DCLK2: variants seen among roughly 807,000 people sequenced by gnomAD.
DCLK2 encodes the protein serine/threonine-protein kinase DCLK2.
A neutral mutation model predicts 78.4 loss-of-function variants in DCLK2; 31 were observed. The ratio of observed to expected loss-of-function variants is 0.40; its 90% CI spans 0.30 to 0.53. DCLK2 has a LOEUF of 0.53. Among genes scored for constraint, DCLK2 ranks in the 20% least tolerant of loss-of-function variants. The pLI, the probability that DCLK2 is intolerant of heterozygous loss-of-function variation, is 0.61. For missense variants in DCLK2, 872 were observed against 973.7 expected (o/e 0.90, Z 1.39); for synonymous variants, 407 against 374.9 (o/e 1.09, Z -0.99).
intron 2 of DCLK2, among the ~76,000 whole-genome samples, chr4:150,190,501 A>T (rs1738374052): frequency 6.6e-6 from 1 of 152,212 alleles, no homozygotes; most frequent in Non-Finnish European, 1.5e-5. Context: ...ATGTTACAAC[A>T]TGGATGAACC....
Position 150,232,367 on chromosome 4 carries a change from C to T in DCLK2, c.1330C>T (p.Leu444=). 6.2e-7 allele frequency: 1 copy of T among 1,614,116 alleles called. No individual in the cohort carries two copies. Among genetic ancestry groups the T allele is most frequent in the Non-Finnish European group, 8.5e-7 (1 of 1,179,986 alleles). The change falls in exon 9 of 16, where the codon CTG becomes TTG. Residue 444 remains leucine, a synonymous_variant. Transcript: ENST00000296550. Reference sequence around the variant, plus strand: ...CCTGATTGAGAATGAAGTGTCAATACTGCGCCGAGTGAAACATCCCAATAT... The same window carrying T: ...CCTGATTGAGAATGAAGTGTCAATATTGCGCCGAGTGAAACATCCCAATAT... The part of the protein sequence containing the change: ...EHLIENEVSI[L]RRVKHPNIIM...
intron 2 of DCLK2, among the ~76,000 whole-genome samples, chr4:150,125,001 T>G (rs564100457): frequency 6.6e-6 from 1 of 152,332 alleles, no homozygotes; most frequent in Non-Finnish European, 1.5e-5. Flanking sequence ...ACAATTCCAT[T>G]ATGAGACAAG....
chr4:150,173,955 G>A (rs753985240), intron 2 of DCLK2, among the ~76,000 whole-genome samples: 7 of 152,114 alleles, frequency 4.6e-5, no homozygotes, highest in Admixed American at 3.9e-4. Flanking sequence ...CTATGAAGTC[G>A]AAGGGGTTAT....
At chr4:150,081,146 T>C (rs1437594276) in intron 1 of DCLK2, among the ~76,000 whole-genome samples, 2 of 152,262 alleles carry the variant, frequency 1.3e-5, no homozygotes, top group African/African-American at 4.8e-5. Flanking sequence ...ATTGGGATAC[T>C]ACTGTTCCTG....
At chr4:150,153,408 C>A (rs1376468712) in intron 2 of DCLK2, among the ~76,000 whole-genome samples, 1 of 151,814 alleles carries the variant, frequency 6.6e-6, no homozygotes, top group African/African-American at 2.4e-5. Context: ...CTCTACTTGA[C>A]AAACTTTTTT....
chr4:150,126,169 AG>A (rs1732905797), intron 2 of DCLK2, among the ~76,000 whole-genome samples: 1 of 151,696 alleles, frequency 6.6e-6, no homozygotes, highest in Non-Finnish European at 1.5e-5. Context: ...CCATTCTTAC[AG>A]TGTTTGTGAG....
intron 15 of DCLK2, chr4:150,253,388 C>T: frequency 7.9e-7 from 1 of 1,272,406 alleles, no homozygotes; most frequent in Non-Finnish European, 1.0e-6. Flanking sequence ...CCTGAGACTT[C>T]AGTGAGAAAA....
intron 4 of DCLK2, among the ~76,000 whole-genome samples, chr4:150,200,198 T>C (rs1739354019): frequency 6.6e-6 from 1 of 152,160 alleles, no homozygotes; most frequent in African/African-American, 2.4e-5. Flanking sequence ...TATACATAAC[T>C]CTTGAATTTA....
At position 150,149,026 on chromosome 4, in the gene DCLK2, A is replaced by G. The variant is rs1407833461; in HGVS notation, c.757-44112A>G. Among the ~76,000 whole-genome samples the G allele has an allele frequency of 2.2e-4, 27 of 121,218 alleles. No homozygotes were observed. In the Admixed American group the frequency reaches 2.4e-3, roughly 11 times the overall value. 79.5% of individuals were successfully genotyped at this position (121,218 alleles called of 152,430 possible). On this transcript the variant is annotated intron_variant, in intron 2 of 15. Transcript: ENST00000296550. ...GCACTCCAGCCTGGGCGAAAGAGTGACAGACTGTCTCAAAAAAAAAAAAAA... is the reference window on the plus strand; with the variant it reads ...GCACTCCAGCCTGGGCGAAAGAGTGGCAGACTGTCTCAAAAAAAAAAAAAA...
intron 7 of DCLK2, among the ~76,000 whole-genome samples, chr4:150,223,872 G>A (rs1007444106): frequency 3.9e-5 from 6 of 152,114 alleles, no homozygotes; most frequent in African/African-American, 1.4e-4. Flanking sequence ...GATCCTAGCT[G>A]AAGTTTTGGC....
chr4:150,096,014 G>A (rs529268354), intron 1 of DCLK2, among the ~76,000 whole-genome samples: 1 of 152,158 alleles, frequency 6.6e-6, no homozygotes, highest in Non-Finnish European at 1.5e-5. Flanking sequence ...TGTTCTAAGG[G>A]CAGTAGAGAG....
At chr4:150,239,900 A>G (rs750061535) in intron 11 of DCLK2, 25 bp downstream of exon 11, 3 of 1,525,532 alleles carry the variant, frequency 2.0e-6, no homozygotes, top group Non-Finnish European at 2.6e-6. Context: ...GGCCCTGGTT[A>G]GTACTTTAAC....
At chr4:150,251,647 G>A (rs553504935) in intron 15 of DCLK2, among the ~76,000 whole-genome samples, 12 of 3,078 alleles carry the variant, frequency 3.9e-3, no homozygotes, top group East Asian at 0.011. Context: ...CACACCCCCC[G>A]CCCCCACGAG....
chr4:150,221,911 C>G, intron 7 of DCLK2, 126 bp downstream of exon 7: 1 of 559,462 alleles, frequency 1.8e-6, no homozygotes, highest in Non-Finnish European at 3.0e-6. Flanking sequence ...TGGAAAGTCT[C>G]TTTCATTTTC....
At chr4:150,206,773 C>G (rs927226558) in intron 5 of DCLK2, among the ~76,000 whole-genome samples, 13 of 152,332 alleles carry the variant, frequency 8.5e-5, no homozygotes, top group African/African-American at 2.6e-4. Flanking sequence ...TCCCAAAGCT[C>G]TCTAACTACT....
In DCLK2 at chr4:150,138,866, T is replaced by A. The variant is rs372776504; in HGVS notation, c.756+36054T>A. 3.3e-3 allele frequency among the ~76,000 whole-genome samples: 499 copies of A among 152,020 alleles called. 2 individuals are homozygous for A. Among genetic ancestry groups the A allele is most frequent in the Non-Finnish European group, 5.5e-3 (375 of 67,964 alleles). The stretch of plus-strand genomic sequence containing the variant: ...TTTTTAGTAGAGACAGGGTTTCACC[T>A]TGTTAGCCAGGATGGTCTCAATCTC... On this transcript the variant is annotated intron_variant, in intron 2 of 15. Coordinates refer to ENST00000296550, the MANE Select transcript of DCLK2 (RefSeq NM_001040260.4).
rs774280164 is a variant in DCLK2, at chr4:150,144,995, A to G, written c.756+42183A>G. 2.2e-4 allele frequency among the ~76,000 whole-genome samples: 34 copies of G among 152,280 alleles called. No individual in the cohort carries two copies. The South Asian group carries it at 2.3e-3, about 10-fold the overall frequency. On this transcript the variant is annotated intron_variant, in intron 2 of 15. Transcript: ENST00000296550. ...CATTTTAACGATGTTGATTCTTTCA[A>G]TCCATGAGAGTGAGATGTTTTTCCT...
chr4:150,206,258 A>G (rs1376969079), intron 5 of DCLK2, among the ~76,000 whole-genome samples: 1 of 152,174 alleles, frequency 6.6e-6, no homozygotes, highest in Admixed American at 6.5e-5. Context: ...AATAAATTGT[A>G]TTATTGCTGA....
intron 2 of DCLK2, among the ~76,000 whole-genome samples, chr4:150,115,316 T>A (rs539099391): frequency 6.4e-4 from 98 of 152,320 alleles, no homozygotes; most frequent in African/African-American, 2.3e-3. Flanking sequence ...TGCCTTTCTC[T>A]TGTATCTCCT....
Sources: gnomAD v4.1 joint callset for allele counts (sites outside exome capture counted in the v4.1 genomes callset) on GRCh38, gnomAD v4.1.1 for gene constraint, MANE v1.5 for transcripts, NCBI Gene and HGNC (gene_info 2026-07-23, HGNC 2026-07-21) for gene names.